Variants in GPR158 observed in about 807,000 individuals in gnomAD.
GPR158 encodes metabotropic glycine receptor.
GPR158 carries 30 observed loss-of-function variants against 78.2 expected under a neutral mutation model. The ratio of observed to expected loss-of-function variants is 0.38; its 90% confidence interval spans 0.29 to 0.52. The LOEUF (loss-of-function observed/expected upper bound fraction) is 0.52, where lower values mean the gene tolerates loss of function less well. Among genes scored for constraint, GPR158 ranks in the 20% least tolerant of loss-of-function variants. The pLI is 0.83. For synonymous variants in GPR158, 581 were observed against 591.1 expected, an observed-to-expected ratio of 0.98 and a Z score of 0.25; for missense variants, 1,463 against 1,523.5, an observed-to-expected ratio of 0.96 and a Z score of 0.66.
At chr10:25,506,967 A>T (rs1328862487) in intron 5 of GPR158, among the ~76,000 whole-genome samples, 1 of 152,210 alleles carries the variant, frequency 6.6e-6, no homozygotes, top group African/African-American at 2.4e-5. Context: ...GACACATACC[A>T]CTAGGCTATG....
intron 2 of GPR158, among the ~76,000 whole-genome samples, chr10:25,267,183 T>G (rs1854055236): frequency 6.6e-6 from 1 of 152,170 alleles, no homozygotes; most frequent in Non-Finnish European, 1.5e-5. Context: ...ATTCTCATGC[T>G]GCTAATAAAG....
At chr10:25,499,113 A>G (rs2130655899) in intron 5 of GPR158, among the ~76,000 whole-genome samples, 1 of 152,374 alleles carries the variant, frequency 6.6e-6, no homozygotes, top group African/African-American at 2.4e-5. Flanking sequence ...TTGTCATAGC[A>G]GCAAGCTGAT....
At chr10:25,436,327 A>G (rs944733535) in intron 4 of GPR158, among the ~76,000 whole-genome samples, 5 of 152,226 alleles carry the variant, frequency 3.3e-5, no homozygotes, top group African/African-American at 1.2e-4. Flanking sequence ...TGAAATGCCA[A>G]GTGGGCAGGT....
intron 2 of GPR158, among the ~76,000 whole-genome samples, chr10:25,242,382 G>A (rs1853638603): frequency 6.6e-6 from 1 of 152,228 alleles, no homozygotes; most frequent in Admixed American, 6.5e-5. Flanking sequence ...AACTTTAGAA[G>A]TGAAATTATA....
chr10:25,344,532 C>T (rs1190476508), intron 2 of GPR158, among the ~76,000 whole-genome samples: 2 of 151,910 alleles, frequency 1.3e-5, no homozygotes, highest in Non-Finnish European at 2.9e-5. Flanking sequence ...GTTATAGAAT[C>T]TAAGGCCCTA....
chr10:25,457,942 A>C (rs1835312069), intron 4 of GPR158, among the ~76,000 whole-genome samples: 1 of 152,244 alleles, frequency 6.6e-6, no homozygotes, highest in Admixed American at 6.5e-5. Flanking sequence ...ACAACAACAA[A>C]AAATCACCAT....
intron 4 of GPR158, among the ~76,000 whole-genome samples, chr10:25,457,279 C>T (rs1290180373): frequency 1.3e-5 from 2 of 150,926 alleles, no homozygotes; most frequent in Admixed American, 6.7e-5. Context: ...CAGATGTGAG[C>T]CACTGCGTCT....
intron 2 of GPR158, among the ~76,000 whole-genome samples, chr10:25,324,923 T>C (rs1440888003): frequency 6.6e-6 from 1 of 150,982 alleles, no homozygotes; most frequent in Admixed American, 6.6e-5. Flanking sequence ...ACTCCAGCCT[T>C]GTACTCCTGG....
intron 3 of GPR158, 127 bp from the exon 4 acceptor site, chr10:25,412,123 G>A (rs1037227789): frequency 1.2e-5 from 8 of 687,044 alleles, no homozygotes; most frequent in Non-Finnish European, 2.1e-5. Context: ...CCTAGCAAGA[G>A]GGTTGACAAA....
At chr10:25,295,319 C>T (rs578167359) in intron 2 of GPR158, among the ~76,000 whole-genome samples, 2 of 152,240 alleles carry the variant, frequency 1.3e-5, no homozygotes, top group Non-Finnish European at 2.9e-5. Context: ...TATGCTTGCA[C>T]TCTGTAAAGT....
intron 2 of GPR158, among the ~76,000 whole-genome samples, chr10:25,355,417 T>C (rs1455756974): frequency 6.6e-6 from 1 of 152,112 alleles, no homozygotes; most frequent in Non-Finnish European, 1.5e-5. Flanking sequence ...TGATAAATTT[T>C]TGAATTGCTT....
chr10:25,567,290 G>A (rs964508077), intron 6 of GPR158, among the ~76,000 whole-genome samples: 3 of 152,172 alleles, frequency 2.0e-5, no homozygotes, highest in African/African-American at 7.2e-5. Flanking sequence ...CAGCCTATTG[G>A]AAAGGCACCT....
intron 2 of GPR158, among the ~76,000 whole-genome samples, chr10:25,227,423 T>C (rs1453045851): frequency 6.6e-6 from 1 of 152,262 alleles, no homozygotes; most frequent in Non-Finnish European, 1.5e-5. Context: ...TATTTGTGTG[T>C]TGTATTCTGG....
intron 2 of GPR158, among the ~76,000 whole-genome samples, chr10:25,383,415 A>T (rs2130568212): frequency 6.6e-6 from 1 of 152,318 alleles, no homozygotes; most frequent in African/African-American, 2.4e-5. Context: ...GCAAAAAAGA[A>T]GTGACAGACC....
intron 5 of GPR158, among the ~76,000 whole-genome samples, chr10:25,535,306 T>TA (rs991306498): frequency 1.3e-5 from 2 of 152,172 alleles, no homozygotes; most frequent in African/African-American, 4.8e-5. Context: ...ACAATGAGGT[T>TA]AAAAAAATTA....
intron 4 of GPR158, among the ~76,000 whole-genome samples, chr10:25,432,511 G>A (rs1282285301): frequency 6.6e-6 from 1 of 152,138 alleles, no homozygotes. Flanking sequence ...TATATGTAGT[G>A]CAAGCTGGGA....
At chr10:25,473,853 G>T (rs1342097532) in intron 5 of GPR158, among the ~76,000 whole-genome samples, 1 of 152,026 alleles carries the variant, frequency 6.6e-6, no homozygotes, top group Non-Finnish European at 1.5e-5. Context: ...GATAAAACAT[G>T]ATCTCTTTCA....
At chr10:25,387,636 C>T (rs1268620205) in intron 2 of GPR158, among the ~76,000 whole-genome samples, 2 of 151,876 alleles carry the variant, frequency 1.3e-5, no homozygotes, top group African/African-American at 4.8e-5. Flanking sequence ...GTGCCTCAGC[C>T]TCCTGAGTAG....
intron 4 of GPR158, among the ~76,000 whole-genome samples, chr10:25,415,923 T>A (rs1030527031): frequency 4.6e-5 from 7 of 152,104 alleles, no homozygotes; most frequent in African/African-American, 1.7e-4. Context: ...AATTAGATTA[T>A]GGTAATAGTT....
Sources: gnomAD v4.1 joint callset for allele counts (sites outside exome capture counted in the v4.1 genomes callset) on GRCh38, gnomAD v4.1.1 for gene constraint, MANE v1.5 for transcripts, NCBI Gene and HGNC (gene_info 2026-07-23, HGNC 2026-07-21) for gene names.